NFKB2: variants seen among roughly 807,000 people sequenced by gnomAD.
NFKB2 encodes nuclear factor NF-kappa-B p100 subunit.
A neutral mutation model predicts 109.3 loss-of-function variants in NFKB2; 21 were observed. The observed-to-expected ratio is 0.19, with a 90% CI of 0.14 to 0.28. The LOEUF (loss-of-function observed/expected upper bound fraction) is 0.28, where lower values mean the gene tolerates loss of function less well. Among genes scored for constraint, NFKB2 ranks in the 10% least tolerant of loss-of-function variants. The pLI, the probability that NFKB2 is intolerant of heterozygous loss-of-function variation, is 1.00. For missense variants in NFKB2, 806 were observed against 1,185.3 expected (o/e 0.68, Z 4.70); for synonymous variants, 478 against 489.9 (o/e 0.98, Z 0.32).
In NFKB2 at chr10:102,396,967, C is replaced by T. The variant is rs1413174692; in HGVS notation, c.307C>T (p.Arg103Cys). 12 of 1,613,568 alleles carry T rather than the reference C, an allele frequency of 7.4e-6. No individual in the cohort carries two copies. Among genetic ancestry groups the T allele is most frequent in the Admixed American group, 5.0e-5 (3 of 60,000 alleles). The change falls in exon 6 of 23, where the codon CGT (arginine) becomes TGT (cysteine). Residue 103 changes from arginine (R) to cysteine (C), a missense_variant. By Grantham distance (180) the Arg-to-Cys change is radical. Coordinates refer to ENST00000661543, the MANE Select transcript of NFKB2 (RefSeq NM_001322934.2). This position sits in a 1 kb window ranked among gnomAD's most constrained non-coding sequence, Gnocchi z 5.9. Reference sequence around the variant, plus strand: ...CCTGGTAACACACAGTGACCCACCTCGTGCTCATGCCCACAGTCTGGTGGG... The same window carrying T: ...CCTGGTAACACACAGTGACCCACCTTGTGCTCATGCCCACAGTCTGGTGGG... ...VDLVTHSDPP[R>C]AHAHSLVGKQ...
In NFKB2 at chr10:102,397,515, C is replaced by T. The variant is rs753055683; in HGVS notation, c.503-12C>T. 1.2e-6 allele frequency: 2 copies of T among 1,611,720 alleles called. No homozygotes were observed. The highest frequency in any genetic ancestry group is 1.1e-5 in the South Asian group (1 of 90,976). ...GAGAAGCCCAGGGGTCACACATGTACCTACTGCCCAGAGGCCGAGCAGCGG... is the reference window on the plus strand; with the variant it reads ...GAGAAGCCCAGGGGTCACACATGTATCTACTGCCCAGAGGCCGAGCAGCGG... On this transcript the variant is annotated splice_polypyrimidine_tract_variant and intron_variant, in intron 7 of 22. Coordinates refer to ENST00000661543, the MANE Select transcript of NFKB2 (RefSeq NM_001322934.2). This position sits in a 1 kb window ranked among gnomAD's most constrained non-coding sequence, Gnocchi z 4.7.
chr10:102,399,835 C>A, intron 14 of NFKB2, 117 bp downstream of exon 14: 5 of 1,390,258 alleles, frequency 3.6e-6, no homozygotes, highest in Non-Finnish European at 4.7e-6. Context: ...CCTCGGTGTT[C>A]ACAAGCTCTG....
chr10:102,402,388 C>A lies in NFKB2; in HGVS notation c.*12C>A. The A allele has an allele frequency of 6.7e-7, 1 of 1,483,434 alleles. No individual in the cohort carries two copies. The allele number at this position is 1,483,434 out of a possible 1,614,324, so 91.9% of individuals were successfully genotyped here. A position where few individuals can be genotyped will look rare whatever the true frequency, so the allele number is the denominator to read the frequency against. On this transcript the variant is annotated 3_prime_UTR_variant, in exon 23 of 23. Transcript: ENST00000661543. ...CTCAGGTGCACTGACCTGCTGCCTGCCCCCAGCCCCCTTCCCGGACCCCCT... is the reference window on the plus strand; with the variant it reads ...CTCAGGTGCACTGACCTGCTGCCTGACCCCAGCCCCCTTCCCGGACCCCCT...
In NFKB2 at chr10:102,398,334, T is replaced by G. The variant is rs1212695338; in HGVS notation, c.852+37T>G. 1.9e-6 allele frequency: 3 copies of G among 1,613,906 alleles called. No homozygotes were observed. The African/African-American group carries it at 4.0e-5, about 22-fold the overall frequency. On this transcript the variant is annotated intron_variant, in intron 10 of 22. Coordinates refer to ENST00000661543, the MANE Select transcript of NFKB2 (RefSeq NM_001322934.2). This position sits in a 1 kb window ranked among gnomAD's most constrained non-coding sequence, Gnocchi z 6.6. ...TAGGGCCCGGGCCCGGGCTGGGGGC[T>G]AAATTAGGCTAAGGACTCACTGACA...
At position 102,398,114 on chromosome 10, in the gene NFKB2, A is replaced by G. The variant is rs763337628; in HGVS notation, c.766+29A>G. ...AGACTGGAGCCCACTTTGGGCACCA[A>G]GGACATCGAGTATAAGACTGGGGCC... On this transcript the variant is annotated intron_variant, in intron 9 of 22. Coordinates refer to ENST00000661543, the MANE Select transcript of NFKB2 (RefSeq NM_001322934.2). The surrounding 1 kb of genome is among the most constrained non-coding windows in gnomAD (Gnocchi z 6.6). 74 of 1,611,842 alleles carry G rather than the reference A, an allele frequency of 4.6e-5. No individual in the cohort carries two copies. Among genetic ancestry groups the G allele is most frequent in the Middle Eastern group, 1.6e-4 (1 of 6,084 alleles).
In NFKB2 at chr10:102,400,173, C is replaced by T; in HGVS notation, c.1563C>T (p.Asn521=). 1 of 1,614,192 alleles carries T rather than the reference C, an allele frequency of 6.2e-7. No homozygotes were observed. The highest frequency in any genetic ancestry group is 8.5e-7 in the Non-Finnish European group (1 of 1,180,032). The change falls in exon 15 of 23, where the codon AAC becomes AAT. Residue 521 remains asparagine, a synonymous_variant. Transcript: ENST00000661543. The surrounding 1 kb of genome is among the most constrained non-coding windows in gnomAD (Gnocchi z 6.3). ...IHHAQDLGVV[N]LTNHLHQTPL... Reference sequence around the variant, plus strand: ...ACGCCCAGGACCTCGGCGTTGTCAACCTCACCAACCACCTGCACCAGGTGC... The same window carrying T: ...ACGCCCAGGACCTCGGCGTTGTCAATCTCACCAACCACCTGCACCAGGTGC...
Position 102,397,170 on chromosome 10 carries a change from A to C in NFKB2, c.395+115A>C. The C allele has an allele frequency of 6.5e-7, 1 of 1,541,732 alleles. No individual in the cohort carries two copies. Among genetic ancestry groups the C allele is most frequent in the Non-Finnish European group, 8.8e-7 (1 of 1,131,890 alleles). Reference sequence around the variant, plus strand: ...AGGGGAAAGATGTAGGTTGGCCCCAAACCCAAGGGCCTAAGTAGAAACTCC... The same window carrying C: ...AGGGGAAAGATGTAGGTTGGCCCCACACCCAAGGGCCTAAGTAGAAACTCC... On this transcript the variant is annotated intron_variant, in intron 6 of 22. Coordinates refer to ENST00000661543, the MANE Select transcript of NFKB2 (RefSeq NM_001322934.2). This position sits in a 1 kb window ranked among gnomAD's most constrained non-coding sequence, Gnocchi z 4.7.
In NFKB2 at chr10:102,401,611, C is replaced by G; in HGVS notation, c.2293+93C>G. 1.3e-6 allele frequency: 2 copies of G among 1,537,414 alleles called. No individual in the cohort carries two copies. Among genetic ancestry groups the G allele is most frequent in the Non-Finnish European group, 1.8e-6 (2 of 1,125,840 alleles). ...ACCTCTGAAGGAGGCCTCCCTTTCT[C>G]TACCCTCAGCCCCGTCCATCACCCC... is the stretch of plus-strand genomic sequence containing the variant. On this transcript the variant is annotated intron_variant, in intron 20 of 22. Transcript: ENST00000661543. This position sits in a 1 kb window ranked among gnomAD's most constrained non-coding sequence, Gnocchi z 4.2.
Position 102,400,338 on chromosome 10 carries a change from G to T in NFKB2, c.1645G>T (p.Val549Leu). 2 of 1,613,998 alleles carry T rather than the reference G, an allele frequency of 1.2e-6. No homozygotes were observed. Among genetic ancestry groups the T allele is most frequent in the Non-Finnish European group, 1.7e-6 (2 of 1,180,022 alleles). ...GAGTGTGGTGAGCTTTCTGCTGCGG[G>T]TAGGTGCAGACCCAGCTCTGCTGGA... ...QTSVVSFLLRVGADPALLDRH... is the reference protein window; with the variant it reads ...QTSVVSFLLRLGADPALLDRH... The change falls in exon 16 of 23, where the codon GTA (valine) becomes TTA (leucine). Residue 549 changes from valine to leucine, a missense_variant. Physicochemically the swap from Val to Leu is conservative, Grantham distance 32. Coordinates refer to ENST00000661543, the MANE Select transcript of NFKB2 (RefSeq NM_001322934.2). This position sits in a 1 kb window ranked among gnomAD's most constrained non-coding sequence, Gnocchi z 6.3.
In NFKB2 at chr10:102,399,658, C is replaced by G. The variant is rs777981741; in HGVS notation, c.1409C>G (p.Ala470Gly). Reference protein sequence around the residue: ...ALLDYGVTADARALLAGQRHL... With the variant: ...ALLDYGVTADGRALLAGQRHL... ...CTCGACTACGGCGTCACCGCGGACG[C>G]GCGCGCGCTGCTGGCGGGACAGCGC... The change falls in exon 14 of 23, where the codon GCG (alanine) becomes GGG (glycine). Residue 470 changes from alanine (A) to glycine (G), a missense_variant. Ala to Gly is a moderately conservative substitution (Grantham distance 60). Around this residue, in one of 10 missense-constraint regions of NFKB2, gnomAD observed 209 missense variants for 211.9 expected, o/e 0.99. Coordinates refer to ENST00000661543, the MANE Select transcript of NFKB2 (RefSeq NM_001322934.2). The G allele has an allele frequency of 6.5e-7, 1 of 1,532,780 alleles. No homozygotes were observed. The highest frequency in any genetic ancestry group is 1.2e-5 in the South Asian group (1 of 82,894). The allele number at this position is 1,532,780 out of a possible 1,614,324, so 94.9% of individuals were successfully genotyped here.
Position 102,401,257 on chromosome 10 carries a change from T to C in NFKB2, c.2149T>C (p.Ser717Pro). 6.2e-7 allele frequency: 1 copy of C among 1,612,042 alleles called. No homozygotes were observed. Among genetic ancestry groups the C allele is most frequent in the Non-Finnish European group, 8.5e-7 (1 of 1,178,890 alleles). The part of the protein sequence containing the change: ...SPPTSDSDSD[S>P]EGPEKDTRSS... ...CCCTACCTCTGATAGCGACTCGGAC[T>C]CTGAAGGGCCTGAGAAGGACACCCG... The change falls in exon 19 of 23, where the codon TCT becomes CCT. Residue 717 changes from serine (S) to proline (P), a missense_variant. Transcript: ENST00000661543. This position sits in a 1 kb window ranked among gnomAD's most constrained non-coding sequence, Gnocchi z 4.2.
upstream of NFKB2, chr10:102,394,482 C>T (rs944269013): frequency 3.3e-5 from 5 of 152,622 alleles, no homozygotes; most frequent in African/African-American, 1.2e-4. Context: ...GGAATTCCCC[C>T]CTCCGGGGGG....
In NFKB2 at chr10:102,400,541, G is replaced by T; in HGVS notation, c.1798+50G>T. On this transcript the variant is annotated intron_variant, in intron 16 of 22. Transcript: ENST00000661543. This position sits in a 1 kb window ranked among gnomAD's most constrained non-coding sequence, Gnocchi z 6.3. ...AAGGGGGCAGGCGGGGACCAGGGAG[G>T]GTATCTGGCCAGTGCCCAGAATGGA... 1 of 1,588,278 alleles carries T rather than the reference G, an allele frequency of 6.3e-7. No individual in the cohort carries two copies. The highest frequency in any genetic ancestry group is 1.8e-5 in the Admixed American group (1 of 55,746).
chr10:102,398,433 C>A lies in NFKB2; in HGVS notation c.901C>A (p.Arg301=), dbSNP rs1264255098. 1 of 1,613,998 alleles carries A rather than the reference C, an allele frequency of 6.2e-7. No individual in the cohort carries two copies. The highest frequency in any genetic ancestry group is 8.5e-7 in the Non-Finnish European group (1 of 1,180,018). ...CCCCTATCACAAGATGAAGATTGAG[C>A]GGCCTGTAACAGTGTTTCTGCAACT... ...TPPYHKMKIE[R]PVTVFLQLKR... is the part of the protein sequence containing the mutation. The change falls in exon 11 of 23, where the codon CGG becomes AGG. Residue 301 remains arginine, a synonymous_variant. Coordinates refer to ENST00000661543, the MANE Select transcript of NFKB2 (RefSeq NM_001322934.2). The surrounding 1 kb of genome is among the most constrained non-coding windows in gnomAD (Gnocchi z 6.6).
chr10:102,401,278 A>C lies in NFKB2; in HGVS notation c.2170A>C (p.Thr724Pro), dbSNP rs2061240167. 6.2e-7 allele frequency: 1 copy of C among 1,611,468 alleles called. No individual in the cohort carries two copies. The highest frequency in any genetic ancestry group is 8.5e-7 in the Non-Finnish European group (1 of 1,178,638). ...DSDSEGPEKD[T>P]RSSFRGHTPL... Reference sequence around the variant, plus strand: ...GGACTCTGAAGGGCCTGAGAAGGACACCCGAAGCAGCTTCCGGGGCCACAC... The same window carrying C: ...GGACTCTGAAGGGCCTGAGAAGGACCCCCGAAGCAGCTTCCGGGGCCACAC... The change falls in exon 19 of 23, where the codon ACC becomes CCC. Residue 724 changes from threonine to proline, a missense_variant. Coordinates refer to ENST00000661543, the MANE Select transcript of NFKB2 (RefSeq NM_001322934.2). This position sits in a 1 kb window ranked among gnomAD's most constrained non-coding sequence, Gnocchi z 4.2.
In NFKB2 at chr10:102,401,365, TGACGGGGTCCAGA is replaced by T. The variant is rs759096527; in HGVS notation, c.2223+36_2223+48del. On this transcript the variant is annotated intron_variant, in intron 19 of 22. Coordinates refer to ENST00000661543, the MANE Select transcript of NFKB2 (RefSeq NM_001322934.2). This position sits in a 1 kb window ranked among gnomAD's most constrained non-coding sequence, Gnocchi z 4.2. ...AGCCCGGGACTAGAAGTGCTCTGAGTGACGGGGTCCAGAGTATCTGGACTTAAAGACACAGGCT... is the reference window on the plus strand; with the variant it reads ...AGCCCGGGACTAGAAGTGCTCTGAGTGTATCTGGACTTAAAGACACAGGCT... 7.4e-5 allele frequency: 119 copies of T among 1,609,832 alleles called. No homozygotes were observed. Among genetic ancestry groups the T allele is most frequent in the Non-Finnish European group, 9.8e-5 (115 of 1,177,418 alleles).
rs1416936585 is a variant in NFKB2 at position 102,395,731 on chromosome 10, G to A, written c.-138G>A. On this transcript the variant is annotated 5_prime_UTR_variant, in exon 1 of 23. Coordinates refer to ENST00000661543, the MANE Select transcript of NFKB2 (RefSeq NM_001322934.2). ...ACTTTCCTGCCCCTTCCCCGGCCAA[G>A]CCCAACTCCGGATCTCGCTCTCCAC... 2 of 597,454 alleles carry A rather than the reference G, an allele frequency of 3.3e-6. No homozygotes were observed. The highest frequency in any genetic ancestry group is 6.0e-6 in the Non-Finnish European group (2 of 333,946). 37.0% of individuals were successfully genotyped at this position (597,454 alleles called of 1,614,324 possible).
chr10:102,402,223 A>C, intron 22 of NFKB2, 29 bp from the exon 23 acceptor site: 1 of 1,551,216 alleles, frequency 6.4e-7, no homozygotes, highest in Non-Finnish European at 8.7e-7. Flanking sequence ...GGCTTTGACT[A>C]TCCCATTCCT....
chr10:102,398,444 A>G lies in NFKB2; in HGVS notation c.912A>G (p.Thr304=). The change falls in exon 11 of 23, where the codon ACA becomes ACG. Residue 304 remains threonine (T), a synonymous_variant. Coordinates refer to ENST00000661543, the MANE Select transcript of NFKB2 (RefSeq NM_001322934.2). The surrounding 1 kb of genome is among the most constrained non-coding windows in gnomAD (Gnocchi z 6.6). ...YHKMKIERPV[T]VFLQLKRKRG... is the part of the protein sequence containing the mutation. Reference sequence around the variant, plus strand: ...AGATGAAGATTGAGCGGCCTGTAACAGTGTTTCTGCAACTGAAACGCAAGC... The same window carrying G: ...AGATGAAGATTGAGCGGCCTGTAACGGTGTTTCTGCAACTGAAACGCAAGC... 1 of 1,614,180 alleles carries G rather than the reference A, an allele frequency of 6.2e-7. No homozygotes were observed.
Sources: gnomAD v4.1 joint callset for allele counts on GRCh38, gnomAD v4.1.1 for gene constraint, gnomAD v4.1.1 regional missense constraint, Gnocchi (gnomAD v3.1) non-coding constraint, MANE v1.5 for transcripts, NCBI Gene and HGNC (gene_info 2026-07-23, HGNC 2026-07-21) for gene names.